ASTN2: variants seen among roughly 807,000 people sequenced by gnomAD.
ASTN2 encodes the protein astrotactin 2, also known as astrotactin-2.
In ASTN2, 54 loss-of-function variants were observed where a neutral mutation model predicts 139.8. The observed-to-expected ratio is 0.39, with a 90% CI of 0.31 to 0.48. The LOEUF (loss-of-function observed/expected upper bound fraction) is 0.48, where lower values mean the gene tolerates loss of function less well. Among genes scored for constraint, ASTN2 ranks in the 20% least tolerant of loss-of-function variants. ASTN2 has a pLI of 0.95. For missense variants in ASTN2, 1,565 were observed against 1,725.1 expected (o/e 0.91, Z 1.64); for synonymous variants, 756 against 719.5 (o/e 1.05, Z -0.81).
intron 2 of ASTN2, among the ~76,000 whole-genome samples, chr9:117,220,337 A>G: frequency 6.6e-6 from 1 of 151,796 alleles, no homozygotes; most frequent in African/African-American, 2.4e-5. Context: ...TCCTGGAGTC[A>G]CCCTGGGCAG....
At chr9:117,037,972 T>G (rs1042528959) in intron 6 of ASTN2, among the ~76,000 whole-genome samples, 2 of 152,212 alleles carry the variant, frequency 1.3e-5, no homozygotes, top group Non-Finnish European at 1.5e-5. Flanking sequence ...TCACTAAAGA[T>G]GAGCCAAAGT....
intron 4 of ASTN2, among the ~76,000 whole-genome samples, chr9:117,102,521 A>ATTT (rs1829003808): frequency 2.0e-5 from 3 of 151,988 alleles, no homozygotes; most frequent in African/African-American, 7.3e-5. Context: ...CTTTAAAATG[A>ATTT]TTTATTATTA....
chr9:116,616,751 A>C (rs1313139075), intron 19 of ASTN2, among the ~76,000 whole-genome samples: 1 of 151,212 alleles, frequency 6.6e-6, no homozygotes, highest in African/African-American at 2.4e-5. Flanking sequence ...AACCTCTGCT[A>C]TTATAAAACA....
chr9:117,147,557 C>A (rs574271784), intron 3 of ASTN2, among the ~76,000 whole-genome samples: 1 of 152,250 alleles, frequency 6.6e-6, no homozygotes, highest in Admixed American at 6.5e-5. Flanking sequence ...TCCAGTATCA[C>A]TTTGCTCGCC....
intron 20 of ASTN2, among the ~76,000 whole-genome samples, chr9:116,444,643 T>A (rs1473666049): frequency 2.0e-5 from 3 of 151,982 alleles, no homozygotes. Context: ...GTACCACAAG[T>A]CAAAACTTCT....
At chr9:117,041,445 C>T (rs1400548915) in intron 5 of ASTN2, among the ~76,000 whole-genome samples, 1 of 152,102 alleles carries the variant, frequency 6.6e-6, no homozygotes, top group Non-Finnish European at 1.5e-5. Context: ...TTTAGACTGG[C>T]CAGAAACTGA....
At chr9:117,282,008 C>A (rs757485668) in intron 2 of ASTN2, among the ~76,000 whole-genome samples, 4 of 152,176 alleles carry the variant, frequency 2.6e-5, no homozygotes, top group Non-Finnish European at 5.9e-5. Flanking sequence ...CGCTGTCTCT[C>A]TCTTTTCCTG....
At chr9:117,309,155 C>T (rs904813249) in intron 1 of ASTN2, among the ~76,000 whole-genome samples, 15 of 152,230 alleles carry the variant, frequency 9.9e-5, no homozygotes, top group Non-Finnish European at 7.3e-5. Flanking sequence ...GAAGTGCAGA[C>T]ACTACATGAA....
At chr9:116,662,573 CA>C (rs1312037670) in intron 16 of ASTN2, among the ~76,000 whole-genome samples, 2 of 151,814 alleles carry the variant, frequency 1.3e-5, no homozygotes, top group East Asian at 3.9e-4. Context: ...GACTCCATCT[CA>C]AAAAAATAAA....
intron 7 of ASTN2, among the ~76,000 whole-genome samples, chr9:116,993,053 A>G (rs1259401853): frequency 6.6e-6 from 1 of 152,050 alleles, no homozygotes; most frequent in Non-Finnish European, 1.5e-5. Context: ...CCAGAGTGAT[A>G]CTCTTAAAAT....
chr9:116,783,390 T>C (rs1321810940), intron 13 of ASTN2, among the ~76,000 whole-genome samples: 2 of 145,472 alleles, frequency 1.4e-5, no homozygotes, highest in East Asian at 4.5e-4. Flanking sequence ...TTCAACCTTC[T>C]ATCTTGTTAA....
At chr9:116,784,359 A>C (rs1362537782) in intron 13 of ASTN2, among the ~76,000 whole-genome samples, 1 of 152,242 alleles carries the variant, frequency 6.6e-6, no homozygotes, top group Non-Finnish European at 1.5e-5. Flanking sequence ...CAATTAAAGA[A>C]AAGACAGCAC....
chr9:116,832,018 T>C (rs1488115424), intron 11 of ASTN2, among the ~76,000 whole-genome samples: 1 of 152,206 alleles, frequency 6.6e-6, no homozygotes, highest in Non-Finnish European at 1.5e-5. Context: ...AGTATTTCAT[T>C]ACTTTTTAGG....
intron 10 of ASTN2, among the ~76,000 whole-genome samples, chr9:116,907,243 G>A (rs555094347): frequency 2.6e-5 from 4 of 152,322 alleles, no homozygotes; most frequent in Admixed American, 2.0e-4. Context: ...TGGGGGACCC[G>A]TTCCCTTTTC....
chr9:116,996,894 T>C (rs920844761), intron 7 of ASTN2, among the ~76,000 whole-genome samples: 10 of 152,140 alleles, frequency 6.6e-5, no homozygotes, highest in African/African-American at 2.4e-4. Context: ...GACCAATATA[T>C]TTTTTAACAC....
Position 117,235,489 on chromosome 9 carries a change from T to C in ASTN2, c.631-20747A>G, listed in dbSNP as rs114401411. On this transcript the variant is annotated intron_variant, in intron 2 of 22. Transcript: ENST00000313400. ...ACCCAGACCTCTAAGACTCAGAAAA[T>C]CATCCTGCTCTCCAGAAAAAATGTC... Among the ~76,000 whole-genome samples the C allele has an allele frequency of 7.9e-3, 1,203 of 152,238 alleles. 22 individuals carry two copies. The highest frequency in any genetic ancestry group is 0.028 in the African/African-American group (1,167 of 41,548).
rs143574704 is a variant in ASTN2, at chr9:116,856,202, T to G, written c.2040+7381A>C. ...CAACCATCAGTCCTCTCATTTTGGA[T>G]TTTGGCAAAATCTGTCTCAGTTGTC... On this transcript the variant is annotated intron_variant, in intron 11 of 22. Transcript: ENST00000313400. Among the ~76,000 whole-genome samples the G allele has an allele frequency of 2.3e-3, 349 of 152,314 alleles. 2 individuals carry two copies. The highest frequency in any genetic ancestry group is 5.6e-3 in the African/African-American group (232 of 41,574).
intron 13 of ASTN2, among the ~76,000 whole-genome samples, chr9:116,757,662 C>T (rs1829569514): frequency 6.6e-6 from 1 of 152,080 alleles, no homozygotes; most frequent in Admixed American, 6.5e-5. Flanking sequence ...CGTCTTATTA[C>T]CCCACTGCCC....
At chr9:116,804,841 C>T (rs546991721) in intron 13 of ASTN2, among the ~76,000 whole-genome samples, 5 of 148,022 alleles carry the variant, frequency 3.4e-5, no homozygotes, top group East Asian at 2.0e-4. Context: ...TGTGTGTGTA[C>T]GTGTGTGTGT....
Sources: gnomAD v4.1 joint callset for allele counts (sites outside exome capture counted in the v4.1 genomes callset) on GRCh38, gnomAD v4.1.1 for gene constraint, MANE v1.5 for transcripts, NCBI Gene and HGNC (gene_info 2026-07-23, HGNC 2026-07-21) for gene names.